The following TOPAZ1 variants were observed in gnomAD, a reference collection of about 807,000 sequenced individuals.
The protein encoded by TOPAZ1 is protein TOPAZ1.
TOPAZ1 carries 66 observed loss-of-function variants against 172.2 expected under a neutral mutation model. That is an observed-to-expected ratio of 0.38 (90% CI 0.31 to 0.47). TOPAZ1 has a LOEUF of 0.47. TOPAZ1 is among the 20% of genes least tolerant of loss of function. TOPAZ1 has a pLI of 0.99. For synonymous variants in TOPAZ1, 681 were observed against 683.9 expected, an observed-to-expected ratio of 1.00 and a Z score of 0.07; for missense variants, 1,822 against 1,972.4, an observed-to-expected ratio of 0.92 and a Z score of 1.44.
intron 5 of TOPAZ1, among the ~76,000 whole-genome samples, chr3:44,266,083 A>G (rs139126039): frequency 9.9e-5 from 15 of 152,268 alleles, no homozygotes; most frequent in South Asian, 4.1e-4. Flanking sequence ...TTGCACTTCT[A>G]TGTTACAGAG....
Position 44,269,198 on chromosome 3 carries a change from A to T in TOPAZ1, c.3161-18A>T. The T allele has an allele frequency of 7.1e-7, 1 of 1,404,104 alleles. No individual in the cohort carries two copies. The highest frequency in any genetic ancestry group is 9.9e-7 in the Non-Finnish European group (1 of 1,012,578). The allele number at this position is 1,404,104 out of a possible 1,614,324, so 87.0% of individuals were successfully genotyped here. ...TTGTAACATATTGGTGTGTAATGCC[A>T]CTCTAAATCATTTCTAGATTTCAGA... is the stretch of plus-strand genomic sequence containing the variant. On this transcript the variant is annotated intron_variant, in intron 6 of 19. Coordinates refer to ENST00000309765, the MANE Select transcript of TOPAZ1 (RefSeq NM_001145030.2).
At chr3:44,298,816 A>T (rs1405834294) in intron 12 of TOPAZ1, among the ~76,000 whole-genome samples, 1 of 48,126 alleles carries the variant, frequency 2.1e-5, no homozygotes, top group African/African-American at 5.6e-5. Context: ...ATAGGGGAAA[A>T]TTTGGAAACC....
Position 44,243,310 on chromosome 3 carries a change from T to C in TOPAZ1, c.804T>C (p.Leu268=), listed in dbSNP as rs534632026. The C allele has an allele frequency of 3.9e-6, 6 of 1,551,488 alleles. No homozygotes were observed. The African/African-American group carries it at 6.8e-5, about 18-fold the overall frequency. Residue 268 remains leucine (L), a synonymous_variant, in exon 2 of 20, where the codon CTT becomes CTC. Coordinates refer to ENST00000309765, the MANE Select transcript of TOPAZ1 (RefSeq NM_001145030.2). ...CAAAGAAAGAAAACCTTAGGAGTCT[T>C]GCAGAGAAGAGTGACACAAATAGTA... ...NFSKKENLRS[L]AEKSDTNSIP...
chr3:44,297,259 A>G (rs532986843), intron 12 of TOPAZ1, among the ~76,000 whole-genome samples: 30 of 152,296 alleles, frequency 2.0e-4, no homozygotes, highest in African/African-American at 7.0e-4. Context: ...AAATACTACC[A>G]TATTGAATCC....
intron 9 of TOPAZ1, 117 bp downstream of exon 9, chr3:44,282,148 C>G (rs1472555610): frequency 1.6e-6 from 1 of 626,334 alleles, no homozygotes; most frequent in African/African-American, 1.9e-5. Flanking sequence ...AAGAGTAGCT[C>G]TGTTGGCCTA....
intron 2 of TOPAZ1, among the ~76,000 whole-genome samples, chr3:44,251,112 T>A (rs1699624763): frequency 6.6e-6 from 1 of 151,638 alleles, no homozygotes; most frequent in Non-Finnish European, 1.5e-5. Context: ...TTCTGAATTT[T>A]TTTCTCTCTT....
chr3:44,241,976 G>A lies in TOPAZ1; in HGVS notation c.-78G>A. ...GGTCAGAGGGCAGTAGGTACCTCCA[G>A]GCGGGAGCAGCGTTTGCACCGCGGT... is the stretch of plus-strand genomic sequence containing the variant. On this transcript the variant is annotated 5_prime_UTR_variant, in exon 1 of 20. Transcript: ENST00000309765. The A allele has an allele frequency of 4.4e-6, 6 of 1,370,526 alleles. No individual in the cohort carries two copies. The highest frequency in any genetic ancestry group is 5.9e-6 in the Non-Finnish European group (6 of 1,009,252). The allele number at this position is 1,370,526 out of a possible 1,614,324, so 84.9% of individuals were successfully genotyped here. A position where few individuals can be genotyped will look rare whatever the true frequency, so the allele number is the denominator to read the frequency against.
intron 12 of TOPAZ1, among the ~76,000 whole-genome samples, chr3:44,299,999 G>A (rs1181485750): frequency 6.6e-6 from 1 of 151,104 alleles, no homozygotes; most frequent in Non-Finnish European, 1.5e-5. Context: ...TATACCTAAT[G>A]CTAAATGATG....
At chr3:44,334,591 TAA>T (rs1309971341), downstream of TOPAZ1, among the ~76,000 whole-genome samples, 1 of 152,090 alleles carries the variant, frequency 6.6e-6, no homozygotes, top group African/African-American at 2.4e-5. Flanking sequence ...ATGAGAGCAT[TAA>T]AGAGGCAGGG....
At chr3:44,255,662 A>AATAT (rs1553645451) in intron 3 of TOPAZ1, among the ~76,000 whole-genome samples, 2 of 80,006 alleles carry the variant, frequency 2.5e-5, no homozygotes, top group African/African-American at 1.2e-4. Context: ...AAAAAAAAAA[A>AATAT]ATATATATAC....
In TOPAZ1 at chr3:44,276,240, A is replaced by G. The variant is rs532848081; in HGVS notation, c.3372+5430A>G. 3.6e-3 allele frequency among the ~76,000 whole-genome samples: 541 copies of G among 152,166 alleles called. 3 individuals carry two copies. The highest frequency in any genetic ancestry group is 5.8e-3 in the Admixed American group (89 of 15,280). On this transcript the variant is annotated intron_variant, in intron 8 of 19. Coordinates refer to ENST00000309765, the MANE Select transcript of TOPAZ1 (RefSeq NM_001145030.2). ...TTTGTTTTGTTGCCTGTGCTTTTGC[A>G]GTTTTTGCCATAAAATCTTTGCCTA... is the stretch of plus-strand genomic sequence containing the variant.
intron 10 of TOPAZ1, 35 bp from the exon 11 acceptor site, chr3:44,287,712 T>C (rs1338986144): frequency 1.7e-6 from 2 of 1,169,108 alleles, no homozygotes; most frequent in South Asian, 1.5e-5. Flanking sequence ...TAAAAGAAGA[T>C]CTGAAAATGA....
chr3:44,289,591 A>G (rs1700115043), intron 11 of TOPAZ1, among the ~76,000 whole-genome samples: 1 of 152,120 alleles, frequency 6.6e-6, no homozygotes, highest in Admixed American at 6.5e-5. Context: ...ATTTGAGACA[A>G]TTTTCCTTGG....
intron 15 of TOPAZ1, among the ~76,000 whole-genome samples, chr3:44,309,310 G>A (rs1313012454): frequency 1.3e-5 from 2 of 152,000 alleles, no homozygotes; most frequent in African/African-American, 4.8e-5. Context: ...GGTAGGGCAG[G>A]GGTTTCACCA....
chr3:44,320,558 ACTGCAC>A (rs1700497319), intron 16 of TOPAZ1, among the ~76,000 whole-genome samples: 6 of 152,114 alleles, frequency 3.9e-5, no homozygotes, highest in Admixed American at 3.9e-4. Flanking sequence ...AGATTGCGCC[ACTGCAC>A]TGCACTCCAG....
At chr3:44,327,784 G>T (rs114854523) in intron 18 of TOPAZ1, among the ~76,000 whole-genome samples, 6 of 151,296 alleles carry the variant, frequency 4.0e-5, no homozygotes, top group African/African-American at 1.5e-4. Context: ...TCACACTGTC[G>T]CCTAGGCTGG....
In TOPAZ1 at chr3:44,262,450, A is replaced by G; in HGVS notation, c.2987A>G (p.Glu996Gly). Residue 996 changes from glutamate (E) to glycine (G), a missense_variant, in exon 5 of 20, where the codon GAA becomes GGA. Coordinates refer to ENST00000309765, the MANE Select transcript of TOPAZ1 (RefSeq NM_001145030.2). ...HRFTDKVITK[E>G]EKENIYEVCK... ...TTTACAGACAAAGTGATTACCAAAG[A>G]AGAAAAAGAAAATATTTATGAAGTT... 6.7e-7 allele frequency: 1 copy of G among 1,487,000 alleles called. No individual in the cohort carries two copies. 92.1% of individuals were successfully genotyped at this position (1,487,000 alleles called of 1,614,324 possible). A position where few individuals can be genotyped will look rare whatever the true frequency, so the allele number is the denominator to read the frequency against.
In TOPAZ1 at chr3:44,242,799, C is replaced by T. The variant is rs184918266; in HGVS notation, c.347-54C>T. On this transcript the variant is annotated intron_variant, in intron 1 of 19. Coordinates refer to ENST00000309765, the MANE Select transcript of TOPAZ1 (RefSeq NM_001145030.2). ...CAATTTTTAATTTCAATGATAATTG[C>T]ATTTTCCTCCTCAATATAAAATCTT... The T allele has an allele frequency of 3.0e-6, 4 of 1,324,330 alleles. No individual in the cohort carries two copies. The African/African-American group carries it at 4.5e-5, about 15-fold the overall frequency. The allele number at this position is 1,324,330 out of a possible 1,614,324, so 82.0% of individuals were successfully genotyped here.
At chr3:44,269,872 C>T (rs1009890257) in intron 7 of TOPAZ1, among the ~76,000 whole-genome samples, 10 of 152,080 alleles carry the variant, frequency 6.6e-5, no homozygotes, top group Non-Finnish European at 1.5e-4. Flanking sequence ...CCTCGTGATC[C>T]TCCTTCCTTG....
Sources: gnomAD v4.1 joint callset for allele counts (sites outside exome capture counted in the v4.1 genomes callset) on GRCh38, gnomAD v4.1.1 for gene constraint, MANE v1.5 for transcripts, NCBI Gene and HGNC (gene_info 2026-07-23, HGNC 2026-07-21) for gene names.